CENPW: variants seen among roughly 807,000 people sequenced by gnomAD.
CENPW encodes cancer-up-regulated gene 2 protein.
In CENPW, 3 loss-of-function variants were observed where a neutral mutation model predicts 11.1. That is an observed-to-expected ratio of 0.27 (90% CI 0.12 to 0.70). The LOEUF (loss-of-function observed/expected upper bound fraction) is 0.70, where lower values mean the gene tolerates loss of function less well. Ranked by LOEUF, CENPW falls within the 30% of genes least tolerant of loss-of-function variation. CENPW has a pLI of 0.77. For missense variants in CENPW, 100 were observed against 105.6 expected, an observed-to-expected ratio of 0.95 and a Z score of 0.23; for synonymous variants, 38 against 42.0, an observed-to-expected ratio of 0.91 and a Z score of 0.37.
the CENPW span, among the ~76,000 whole-genome samples, chr6:126,380,275 A>T: frequency 4.9e-4 from 75 of 152,364 alleles, no homozygotes; most frequent in African/African-American, 1.6e-3. Context: ...AATTGAAAGT[A>T]ATGGGAACCA....
chr6:126,425,361 T>C, the CENPW span, among the ~76,000 whole-genome samples: 1 of 152,140 alleles, frequency 6.6e-6, no homozygotes, highest in Non-Finnish European at 1.5e-5. Context: ...CTCTTCTTTC[T>C]TCTCTCGCTC....
chr6:126,383,057 A>C, the CENPW span, among the ~76,000 whole-genome samples: 1 of 152,214 alleles, frequency 6.6e-6, no homozygotes, highest in Non-Finnish European at 1.5e-5. Context: ...GAAGTCAGTC[A>C]AACCAACAGC....
chr6:126,459,814 C>A, the CENPW span, among the ~76,000 whole-genome samples: 7 of 151,586 alleles, frequency 4.6e-5, no homozygotes, highest in Admixed American at 4.0e-4. Flanking sequence ...TAACTTTGTG[C>A]TCCTCACTAA....
the CENPW span, among the ~76,000 whole-genome samples, chr6:126,380,317 A>G: frequency 1.3e-5 from 2 of 152,230 alleles, no homozygotes; most frequent in Non-Finnish European, 1.5e-5. Context: ...TAAGGCTGTC[A>G]TAGTACTGAA....
At chr6:126,414,101 A>C in the CENPW span, among the ~76,000 whole-genome samples, 1 of 152,042 alleles carries the variant, frequency 6.6e-6, no homozygotes. Context: ...TTAAGGAATA[A>C]ATTCAGGAAT....
chr6:126,438,321 A>G, the CENPW span, among the ~76,000 whole-genome samples: 1 of 151,776 alleles, frequency 6.6e-6, no homozygotes, highest in African/African-American at 2.4e-5. Flanking sequence ...AACCTTAAAT[A>G]AAAATGTAGC....
the CENPW span, among the ~76,000 whole-genome samples, chr6:126,446,653 G>A: frequency 2.6e-5 from 4 of 150,982 alleles, no homozygotes; most frequent in Non-Finnish European, 5.9e-5. Flanking sequence ...AATAAAATAA[G>A]TAAATGAAGT....
chr6:126,352,279 T>C (rs1200389277), downstream of CENPW, among the ~76,000 whole-genome samples: 2 of 152,148 alleles, frequency 1.3e-5, no homozygotes, highest in African/African-American at 4.8e-5. Context: ...TCTGACCCTT[T>C]ACAGAAGAAG....
chr6:126,389,658 C>CTGTGTGTGTGTG, the CENPW span, among the ~76,000 whole-genome samples: 2 of 149,232 alleles, frequency 1.3e-5, no homozygotes, highest in Non-Finnish European at 3.0e-5. Flanking sequence ...GACCTTTGCT[C>CTGTGTGTGTGTG]TGTGTGTGTG....
At chr6:126,467,919 C>T in the CENPW span, among the ~76,000 whole-genome samples, 1 of 152,078 alleles carries the variant, frequency 6.6e-6, no homozygotes, top group Non-Finnish European at 1.5e-5. Flanking sequence ...TTGTCCTTTA[C>T]CTGTGTGATT....
the CENPW span, among the ~76,000 whole-genome samples, chr6:126,438,899 A>G: frequency 6.6e-6 from 1 of 151,762 alleles, no homozygotes; most frequent in South Asian, 2.1e-4. Context: ...TGTTTCTTTA[A>G]GACATAATAC....
At chr6:126,359,927 C>T in the CENPW span, among the ~76,000 whole-genome samples, 24 of 152,200 alleles carry the variant, frequency 1.6e-4, no homozygotes, top group South Asian at 4.6e-3. Context: ...AGCCCATTTA[C>T]ATTCAGGCCT....
the CENPW span, among the ~76,000 whole-genome samples, chr6:126,468,670 T>C: frequency 1.3e-5 from 2 of 152,142 alleles, no homozygotes; most frequent in Non-Finnish European, 2.9e-5. Context: ...TCTATACTAT[T>C]TGCAATTTTT....
the CENPW span, among the ~76,000 whole-genome samples, chr6:126,370,278 T>C: frequency 6.6e-6 from 1 of 152,182 alleles, no homozygotes; most frequent in Admixed American, 6.5e-5. Flanking sequence ...ATATGAATTT[T>C]AGTATTTTTT....
chr6:126,421,157 T>G, the CENPW span, among the ~76,000 whole-genome samples: 1 of 152,174 alleles, frequency 6.6e-6, no homozygotes, highest in Non-Finnish European at 1.5e-5. Context: ...AAAATCCATG[T>G]CATACTGTCA....
the CENPW span, among the ~76,000 whole-genome samples, chr6:126,439,810 C>T: frequency 2.0e-4 from 31 of 151,526 alleles, no homozygotes; most frequent in Non-Finnish European, 4.3e-4. Context: ...CATGGTATTC[C>T]CCTGGAATCA....
At chr6:126,452,258 A>G in the CENPW span, among the ~76,000 whole-genome samples, 3 of 151,210 alleles carry the variant, frequency 2.0e-5, no homozygotes, top group Non-Finnish European at 4.4e-5. Context: ...GAAAATAAGA[A>G]TATTTCAACT....
chr6:126,429,667 G>C, the CENPW span, among the ~76,000 whole-genome samples: 1 of 152,100 alleles, frequency 6.6e-6, no homozygotes. Context: ...CCAGTCTCAG[G>C]TATTTCTTTA....
chr6:126,416,201 T>C, the CENPW span, among the ~76,000 whole-genome samples: 1 of 152,178 alleles, frequency 6.6e-6, no homozygotes, highest in Non-Finnish European at 1.5e-5. Context: ...TGGCAGCATT[T>C]TGCCTGTGCT....
Sources: gnomAD v4.1 joint callset for allele counts (sites outside exome capture counted in the v4.1 genomes callset) on GRCh38, gnomAD v4.1.1 for gene constraint, MANE v1.5 for transcripts, NCBI Gene and HGNC (gene_info 2026-07-23, HGNC 2026-07-21) for gene names.